The following FAM168B variants were observed in gnomAD, a reference collection of about 807,000 sequenced individuals.
FAM168B encodes myelin-associated neurite-outgrowth inhibitor.
A neutral mutation model predicts 21.8 loss-of-function variants in FAM168B; 19 were observed. The observed-to-expected ratio is 0.87, with a 90% CI of 0.61 to 1.28. The LOEUF (loss-of-function observed/expected upper bound fraction) is 1.28. FAM168B is among the 50% of genes most tolerant of loss of function. The pLI, the probability that FAM168B is intolerant of heterozygous loss-of-function variation, is 0.00. For missense variants in FAM168B, 233 were observed against 263.1 expected, an observed-to-expected ratio of 0.89 and a Z score of 0.79; for synonymous variants, 126 against 104.8, an observed-to-expected ratio of 1.20 and a Z score of -1.24.
rs976379373 is a variant in FAM168B, at chr2:131,064,340, A to C, written c.154+7515T>G. Among the ~76,000 whole-genome samples, 7 of 152,328 alleles carry C rather than the reference A, an allele frequency of 4.6e-5. 1 individual carries two copies. Among genetic ancestry groups the C allele is most frequent in the African/African-American group, 1.7e-4 (7 of 41,574 alleles). On this transcript the variant is annotated intron_variant, in intron 3 of 6. Coordinates refer to ENST00000389915, the MANE Select transcript of FAM168B (RefSeq NM_001009993.4). ...AAATTTAAAAAATTCAGAAGCCTGA[A>C]GTACATGTGAGGAGAGAAGATCTGT...
At chr2:131,090,386 C>T (rs1273981049) in intron 1 of FAM168B, among the ~76,000 whole-genome samples, 1 of 148,654 alleles carries the variant, frequency 6.7e-6, no homozygotes, top group African/African-American at 2.5e-5. Flanking sequence ...GGTTTGGAAA[C>T]ATACCATCTC....
At chr2:131,087,617 G>A (rs886714390) in intron 1 of FAM168B, among the ~76,000 whole-genome samples, 1 of 152,140 alleles carries the variant, frequency 6.6e-6, no homozygotes, top group Non-Finnish European at 1.5e-5. Flanking sequence ...CTCTATGTAG[G>A]GAATCAGTAA....
chr2:131,092,247 T>A (rs1453413887), intron 1 of FAM168B, among the ~76,000 whole-genome samples: 1 of 152,106 alleles, frequency 6.6e-6, no homozygotes, highest in African/African-American at 2.4e-5. Flanking sequence ...AAAGTAAGCC[T>A]GCTTTGTAAA....
At chr2:131,060,470 T>C (rs1692237357) in intron 3 of FAM168B, among the ~76,000 whole-genome samples, 1 of 152,246 alleles carries the variant, frequency 6.6e-6, no homozygotes, top group African/African-American at 2.4e-5. Flanking sequence ...GGAAGACTGC[T>C]ACAGATTGAA....
intron 2 of FAM168B, among the ~76,000 whole-genome samples, chr2:131,072,376 G>A (rs1259555403): frequency 2.6e-5 from 4 of 151,774 alleles, no homozygotes; most frequent in East Asian, 1.9e-4. Context: ...CACCCGCCTC[G>A]GCCTCCCAAA....
intron 1 of FAM168B, among the ~76,000 whole-genome samples, chr2:131,085,599 A>G (rs1004712618): frequency 6.6e-6 from 1 of 152,270 alleles, no homozygotes; most frequent in African/African-American, 2.4e-5. Context: ...GCAATCCTGT[A>G]GTAAGAAGAA....
chr2:131,089,694 G>C (rs937213405), intron 1 of FAM168B, among the ~76,000 whole-genome samples: 3 of 148,542 alleles, frequency 2.0e-5, no homozygotes, highest in South Asian at 2.1e-4. Flanking sequence ...CTCCAGTCTG[G>C]GCAACAGAGC....
rs1400954855 is a variant in FAM168B at position 131,091,981 on chromosome 2, C to A, written c.-12+1233G>T. On this transcript the variant is annotated intron_variant, in intron 1 of 6. Transcript: ENST00000389915. The stretch of plus-strand genomic sequence containing the variant: ...CGTCTCTACTAAAAAAAAAAAAAAA[C>A]AAATACAAAAAAATTAGCCAGGCGT... Among the ~76,000 whole-genome samples the A allele has an allele frequency of 1.4e-3, 193 of 134,796 alleles. 1 individual carries two copies. The highest frequency in any genetic ancestry group is 4.9e-3 in the African/African-American group (171 of 34,574). The allele number at this position is 134,796 out of a possible 152,430, so 88.4% of individuals were successfully genotyped here.
chr2:131,059,907 GGCA>G (rs1442325456), intron 3 of FAM168B, among the ~76,000 whole-genome samples: 2 of 152,196 alleles, frequency 1.3e-5, no homozygotes, highest in Non-Finnish European at 2.9e-5. Flanking sequence ...AGAGGAAAGT[GGCA>G]GGGGCCCAGA....
chr2:131,058,433 A>G (rs1304352177), intron 3 of FAM168B, among the ~76,000 whole-genome samples: 2 of 152,128 alleles, frequency 1.3e-5, no homozygotes, highest in Admixed American at 1.3e-4. Context: ...GTCCTGTCCT[A>G]TGCAGCAAAG....
At chr2:131,086,261 A>G (rs1693694583) in intron 1 of FAM168B, among the ~76,000 whole-genome samples, 1 of 152,224 alleles carries the variant, frequency 6.6e-6, no homozygotes, top group Non-Finnish European at 1.5e-5. Context: ...CTTCTGTGCC[A>G]GGAGCTACTA....
chr2:131,083,706 T>C lies in FAM168B; in HGVS notation c.-11-1049A>G, dbSNP rs577405897. On this transcript the variant is annotated intron_variant, in intron 1 of 6. Coordinates refer to ENST00000389915, the MANE Select transcript of FAM168B (RefSeq NM_001009993.4). Reference sequence around the variant, plus strand: ...GTTAAGTGAAAACAAAGTAGAGTATTATACTGCATCCTGCATTACACAGTA... The same window carrying C: ...GTTAAGTGAAAACAAAGTAGAGTATCATACTGCATCCTGCATTACACAGTA... Among the ~76,000 whole-genome samples, 820 of 152,346 alleles carry C rather than the reference T, an allele frequency of 5.4e-3. 5 individuals carry two copies. The highest frequency in any genetic ancestry group is 8.4e-3 in the Non-Finnish European group (572 of 68,032).
intron 3 of FAM168B, among the ~76,000 whole-genome samples, chr2:131,069,251 A>G (rs1692731776): frequency 6.6e-6 from 1 of 152,246 alleles, no homozygotes; most frequent in African/African-American, 2.4e-5. Context: ...AGAAATGAGT[A>G]AAAGTGGGCT....
chr2:131,068,162 C>A (rs1017634597), intron 3 of FAM168B, among the ~76,000 whole-genome samples: 1 of 152,060 alleles, frequency 6.6e-6, no homozygotes, highest in Non-Finnish European at 1.5e-5. Context: ...AAGACTTTTT[C>A]TTTTTTCTTT....
At chr2:131,086,627 T>A (rs1693712749) in intron 1 of FAM168B, among the ~76,000 whole-genome samples, 1 of 152,150 alleles carries the variant, frequency 6.6e-6, no homozygotes, top group Non-Finnish European at 1.5e-5. Context: ...GTCTGTACTA[T>A]CCAAATATGG....
Position 131,052,909 on chromosome 2 carries a change from C to T in FAM168B, c.582G>A (p.Gln194=), listed in dbSNP as rs934307437. ...GTPTYSYVPP[Q]W is the part of the protein sequence containing the mutation. Reference sequence around the variant, plus strand: ...CACTTACATTTGCAGGTGATCACCACTGAGGGGGCACATAGCTGTAAGTGG... The same window carrying T: ...CACTTACATTTGCAGGTGATCACCATTGAGGGGGCACATAGCTGTAAGTGG... Residue 194 remains glutamine, a synonymous_variant, in exon 6 of 7, where the codon CAG becomes CAA. Transcript: ENST00000389915. The T allele has an allele frequency of 6.4e-7, 1 of 1,557,110 alleles. No individual in the cohort carries two copies. Among genetic ancestry groups the T allele is most frequent in the African/African-American group, 1.4e-5 (1 of 73,452 alleles).
At chr2:131,090,636 CAGG>C (rs894579187) in intron 1 of FAM168B, among the ~76,000 whole-genome samples, 2 of 152,104 alleles carry the variant, frequency 1.3e-5, no homozygotes, top group Non-Finnish European at 2.9e-5. Context: ...GAGGCTGGGG[CAGG>C]AGGACTGCTT....
At chr2:131,053,129 A>G in intron 5 of FAM168B, 114 bp from the exon 6 acceptor site, 1 of 1,384,096 alleles carries the variant, frequency 7.2e-7, no homozygotes, top group Non-Finnish European at 9.5e-7. Flanking sequence ...AGGAAGAGGG[A>G]TAGTCTTGAC....
intron 1 of FAM168B, among the ~76,000 whole-genome samples, chr2:131,088,630 T>G (rs1279927762): frequency 6.6e-6 from 1 of 152,128 alleles, no homozygotes; most frequent in Non-Finnish European, 1.5e-5. Flanking sequence ...TTATGTATAG[T>G]TACATAAATT....
Sources: allele counts gnomAD v4.1 joint callset (sites outside exome capture counted in the v4.1 genomes callset), GRCh38; gene constraint gnomAD v4.1.1; transcripts MANE v1.5; gene names NCBI Gene and HGNC (gene_info 2026-07-23, HGNC 2026-07-21).